The following GMDS variants were observed in gnomAD, a reference collection of about 807,000 sequenced individuals.
The protein encoded by GMDS is GDP-mannose 4,6-dehydratase.
GMDS carries 20 observed loss-of-function variants against 49.9 expected under a neutral mutation model. The ratio of observed to expected loss-of-function variants is 0.40; its 90% CI spans 0.28 to 0.58. The LOEUF (loss-of-function observed/expected upper bound fraction) is 0.58. GMDS is among the 20% of genes least tolerant of loss of function. GMDS has a pLI of 0.42. For synonymous variants in GMDS, 177 were observed against 178.6 expected, an observed-to-expected ratio of 0.99 and a Z score of 0.07; for missense variants, 362 against 481.4, an observed-to-expected ratio of 0.75 and a Z score of 2.32.
chr6:1,914,141 T>G (rs948235401), intron 7 of GMDS, among the ~76,000 whole-genome samples: 28 of 146,814 alleles, frequency 1.9e-4, no homozygotes, highest in South Asian at 4.4e-4. Context: ...GTTTTTTTTT[T>G]TTTTTTTTTT....
intron 1 of GMDS, among the ~76,000 whole-genome samples, chr6:2,182,897 AG>A (rs1349220254): frequency 6.6e-6 from 1 of 152,114 alleles, no homozygotes; most frequent in Non-Finnish European, 1.5e-5. Flanking sequence ...TTGTAGAGAC[AG>A]GGTTTCGCCA....
intron 4 of GMDS, among the ~76,000 whole-genome samples, chr6:2,087,678 C>T (rs1362691397): frequency 6.6e-6 from 1 of 152,178 alleles, no homozygotes; most frequent in Non-Finnish European, 1.5e-5. Context: ...TAGCCACACG[C>T]AATTTTAGTA....
chr6:2,176,305 A>G (rs1778282918), intron 1 of GMDS, among the ~76,000 whole-genome samples: 1 of 152,168 alleles, frequency 6.6e-6, no homozygotes, highest in African/African-American at 2.4e-5. Context: ...CTCACTGTGG[A>G]AAGAATTCCA....
chr6:2,110,203 C>A (rs191357591), intron 4 of GMDS, among the ~76,000 whole-genome samples: 6 of 152,056 alleles, frequency 3.9e-5, no homozygotes, highest in East Asian at 1.9e-4. Context: ...CCTTCCCCCC[C>A]ATAATGCAAT....
At chr6:2,177,497 G>A (rs1214664070) in intron 1 of GMDS, among the ~76,000 whole-genome samples, 2 of 151,988 alleles carry the variant, frequency 1.3e-5, no homozygotes, top group African/African-American at 4.8e-5. Flanking sequence ...TATTCACCAC[G>A]ATCAAGTAGG....
chr6:1,969,261 C>CAAAAAAAAAAA (rs761741871), intron 4 of GMDS, among the ~76,000 whole-genome samples: 2 of 14,096 alleles, frequency 1.4e-4, no homozygotes, highest in East Asian at 1.8e-3. Context: ...GGCTCCATCT[C>CAAAAAAAAAAA]AAAAAAAAAA....
At chr6:1,799,088 C>T (rs376324716) in intron 7 of GMDS, among the ~76,000 whole-genome samples, 3 of 152,164 alleles carry the variant, frequency 2.0e-5, no homozygotes, top group South Asian at 2.1e-4. Flanking sequence ...CCTAGGATAT[C>T]GTGTAGGTCA....
At chr6:1,711,804 T>C (rs1325526480) in intron 9 of GMDS, among the ~76,000 whole-genome samples, 1 of 152,180 alleles carries the variant, frequency 6.6e-6, no homozygotes, top group Non-Finnish European at 1.5e-5. Flanking sequence ...TTGTGCAGCA[T>C]GGATGAAAGT....
intron 10 of GMDS, 88 bp from the exon 11 acceptor site, chr6:1,624,319 T>G: frequency 7.5e-7 from 1 of 1,331,504 alleles, no homozygotes; most frequent in Non-Finnish European, 1.1e-6. Flanking sequence ...CAGAGAGGCC[T>G]CCGCGTCCCT....
chr6:1,749,894 T>C (rs1048702629), intron 7 of GMDS, among the ~76,000 whole-genome samples: 3 of 152,328 alleles, frequency 2.0e-5, no homozygotes, highest in African/African-American at 7.2e-5. Flanking sequence ...TGCCGTGGCA[T>C]GATCGTAGCT....
intron 9 of GMDS, among the ~76,000 whole-genome samples, chr6:1,710,584 T>G (rs1043212812): frequency 6.6e-6 from 1 of 151,384 alleles, no homozygotes; most frequent in Non-Finnish European, 1.5e-5. Flanking sequence ...GCAGATACAC[T>G]TTTGAGGTTC....
chr6:2,005,139 A>T (rs1767077531), intron 4 of GMDS, among the ~76,000 whole-genome samples: 1 of 152,170 alleles, frequency 6.6e-6, no homozygotes, highest in Non-Finnish European at 1.5e-5. Flanking sequence ...TGCTTAGTGG[A>T]ACTTTTTTCA....
intron 1 of GMDS, among the ~76,000 whole-genome samples, chr6:2,179,723 C>T (rs923233364): frequency 1.3e-5 from 2 of 152,002 alleles, no homozygotes; most frequent in Non-Finnish European, 2.9e-5. Flanking sequence ...AAGATACTGC[C>T]AAAGTATGTA....
intron 1 of GMDS, among the ~76,000 whole-genome samples, chr6:2,165,418 A>C (rs1190953732): frequency 6.6e-6 from 1 of 152,216 alleles, no homozygotes; most frequent in Non-Finnish European, 1.5e-5. Context: ...CAGCTCATGG[A>C]TATCAGGCAG....
chr6:2,089,000 T>C (rs1294596421), intron 4 of GMDS, among the ~76,000 whole-genome samples: 1 of 152,210 alleles, frequency 6.6e-6, no homozygotes, highest in Non-Finnish European at 1.5e-5. Flanking sequence ...TGAACATTTA[T>C]TGGGCAGCTA....
chr6:2,150,156 A>C (rs116079400), intron 1 of GMDS, among the ~76,000 whole-genome samples: 1 of 152,154 alleles, frequency 6.6e-6, no homozygotes, highest in African/African-American at 2.4e-5. Context: ...CTTGTAAAAT[A>C]ATTTTCATTT....
chr6:2,214,179 G>A (rs889666067), intron 1 of GMDS, among the ~76,000 whole-genome samples: 1 of 152,164 alleles, frequency 6.6e-6, no homozygotes, highest in African/African-American at 2.4e-5. Flanking sequence ...TTCATTCCAT[G>A]AATTCATAAT....
chr6:1,764,845 C>A (rs565789385), intron 7 of GMDS, among the ~76,000 whole-genome samples: 2 of 152,266 alleles, frequency 1.3e-5, no homozygotes, highest in Non-Finnish European at 1.5e-5. Flanking sequence ...TGAAAGAACA[C>A]AAAAATCCTG....
intron 4 of GMDS, among the ~76,000 whole-genome samples, chr6:2,023,085 A>G (rs1768373861): frequency 6.6e-6 from 1 of 152,186 alleles, no homozygotes; most frequent in African/African-American, 2.4e-5. Context: ...TGGTCATCAA[A>G]CTGTGTCTCC....
Sources: allele counts gnomAD v4.1 joint callset (sites outside exome capture counted in the v4.1 genomes callset), GRCh38; gene constraint gnomAD v4.1.1; transcripts MANE v1.5; gene names NCBI Gene and HGNC (gene_info 2026-07-23, HGNC 2026-07-21).